Variants in NLK observed in about 807,000 individuals in gnomAD.
NLK encodes the protein serine/threonine-protein kinase NLK.
Under a neutral mutation model 59.0 loss-of-function variants are expected in NLK, and 11 were observed. That is an observed-to-expected ratio of 0.19 (90% CI 0.12 to 0.31). The LOEUF is 0.31. Ranked by LOEUF, NLK falls within the 10% of genes least tolerant of loss-of-function variation. NLK has a pLI of 1.00. For missense variants in NLK, 410 were observed against 661.1 expected (o/e 0.62, Z 4.16); for synonymous variants, 235 against 235.9 (o/e 1.00, Z 0.03).
chr17:28,201,401 T>TA, the NLK span, among the ~76,000 whole-genome samples: 2 of 147,930 alleles, frequency 1.4e-5, no homozygotes, highest in Admixed American at 6.8e-5. Flanking sequence ...TTTTTTTTTT[T>TA]AAAGAGACAG....
intron 1 of NLK, among the ~76,000 whole-genome samples, chr17:28,067,547 A>AG (rs1491237110): frequency 6.6e-6 from 1 of 151,736 alleles, no homozygotes; most frequent in Non-Finnish European, 1.5e-5. Context: ...AAAAAAAAAA[A>AG]GGCTGACAAT....
chr17:28,059,472 G>A (rs1427273996), intron 1 of NLK, among the ~76,000 whole-genome samples: 1 of 151,900 alleles, frequency 6.6e-6, no homozygotes, highest in South Asian at 2.1e-4. Flanking sequence ...CCTTTTCTTT[G>A]CAGTACTGTG....
intron 3 of NLK, among the ~76,000 whole-genome samples, chr17:28,160,595 G>A (rs1012289127): frequency 6.6e-6 from 1 of 152,198 alleles, no homozygotes; most frequent in African/African-American, 2.4e-5. Flanking sequence ...AGTGGTGATG[G>A]TGGGGAGGGG....
At chr17:28,194,294 A>C (rs1171529151) in intron 10 of NLK, among the ~76,000 whole-genome samples, 3 of 152,218 alleles carry the variant, frequency 2.0e-5, no homozygotes, top group Non-Finnish European at 4.4e-5. Context: ...AAACAGCATT[A>C]TTTCTTTCCA....
chr17:28,164,724 A>G (rs1185776608), intron 5 of NLK, among the ~76,000 whole-genome samples: 2 of 152,220 alleles, frequency 1.3e-5, no homozygotes, highest in African/African-American at 4.8e-5. Context: ...TTTAACTGCT[A>G]TATTTGAAAA....
intron 1 of NLK, among the ~76,000 whole-genome samples, chr17:28,110,999 T>G (rs4795316): frequency 6.8e-6 from 1 of 147,074 alleles, no homozygotes; most frequent in Non-Finnish European, 1.5e-5. Context: ...CGCCCGCCAC[T>G]ACGCCCGGCT....
intron 1 of NLK, among the ~76,000 whole-genome samples, chr17:28,112,501 A>T (rs963536046): frequency 7.2e-5 from 11 of 152,176 alleles, no homozygotes; most frequent in Non-Finnish European, 5.9e-5. Context: ...TTGTAAAAAC[A>T]CTTAAATTTG....
intron 3 of NLK, among the ~76,000 whole-genome samples, chr17:28,147,773 G>A (rs1202623119): frequency 9.9e-5 from 15 of 151,958 alleles, no homozygotes; most frequent in African/African-American, 1.7e-4. Context: ...CCATGATAAC[G>A]TTTTCTTCCT....
chr17:28,059,365 A>G (rs1461815558), intron 1 of NLK, among the ~76,000 whole-genome samples: 1 of 152,140 alleles, frequency 6.6e-6, no homozygotes, highest in Non-Finnish European at 1.5e-5. Context: ...ATGTCCAGAA[A>G]TAGTCCTTTA....
intron 1 of NLK, among the ~76,000 whole-genome samples, chr17:28,045,010 T>A (rs1266322007): frequency 6.6e-6 from 1 of 152,226 alleles, no homozygotes; most frequent in African/African-American, 2.4e-5. Flanking sequence ...TTATTTATTT[T>A]TTTAAGGAAG....
In NLK at chr17:28,077,932, T is replaced by G. The variant is rs77799117; in HGVS notation, c.458+34601T>G. 4.4e-3 allele frequency among the ~76,000 whole-genome samples: 672 copies of G among 152,290 alleles called. 6 individuals carry two copies. Among genetic ancestry groups the G allele is most frequent in the African/African-American group, 0.015 (640 of 41,574 alleles). ...ATATAGATGCACAGAAAGTTCTGCT[T>G]CTTTCTCAAGCATGTTATAGTTATA... On this transcript the variant is annotated intron_variant, in intron 1 of 10. Transcript: ENST00000407008.
At chr17:28,077,425 A>C (rs546295859) in intron 1 of NLK, among the ~76,000 whole-genome samples, 1 of 152,016 alleles carries the variant, frequency 6.6e-6, no homozygotes, top group Non-Finnish European at 1.5e-5. Flanking sequence ...AACTGCCCTC[A>C]TGATTCAAAT....
At chr17:28,122,502 T>G (rs1327364631) in intron 1 of NLK, 101 bp from the exon 2 acceptor site, 4 of 1,279,016 alleles carry the variant, frequency 3.1e-6, no homozygotes, top group Non-Finnish European at 4.4e-6. Context: ...GTTGAGTGTT[T>G]TAAGATAAAG....
intron 5 of NLK, among the ~76,000 whole-genome samples, chr17:28,166,466 G>T (rs1908241396): frequency 6.6e-6 from 1 of 152,054 alleles, no homozygotes; most frequent in Admixed American, 6.5e-5. Flanking sequence ...TTAGAACGGG[G>T]TTTTCAGATT....
intron 1 of NLK, among the ~76,000 whole-genome samples, chr17:28,110,947 C>T (rs1359156107): frequency 1.4e-5 from 2 of 146,100 alleles, no homozygotes; most frequent in East Asian, 2.1e-4. Context: ...CGGGTTCACG[C>T]CATTCTCCTG....
chr17:28,201,861 C>G, the NLK span, among the ~76,000 whole-genome samples: 5 of 152,030 alleles, frequency 3.3e-5, no homozygotes, highest in Admixed American at 6.6e-5. Context: ...ACTAAAAATA[C>G]AAAAGTTAGC....
intron 1 of NLK, among the ~76,000 whole-genome samples, chr17:28,110,816 A>G (rs762693387): frequency 1.3e-5 from 2 of 151,510 alleles, no homozygotes; most frequent in Non-Finnish European, 2.9e-5. Context: ...TTGTTAAACA[A>G]GTCTCCTTTA....
At chr17:28,143,071 T>G (rs750512516) in intron 3 of NLK, among the ~76,000 whole-genome samples, 42 of 151,172 alleles carry the variant, frequency 2.8e-4, no homozygotes, top group South Asian at 4.2e-4. Context: ...TGAGACAGAT[T>G]CTCACTCTGT....
intron 7 of NLK, among the ~76,000 whole-genome samples, chr17:28,177,346 A>G (rs1020481342): frequency 6.6e-6 from 1 of 152,220 alleles, no homozygotes; most frequent in Admixed American, 6.5e-5. Flanking sequence ...GTGTCAAATT[A>G]ATGTATTTGT....
Sources: gnomAD v4.1 joint callset for allele counts (sites outside exome capture counted in the v4.1 genomes callset) on GRCh38, gnomAD v4.1.1 for gene constraint, MANE v1.5 for transcripts, NCBI Gene and HGNC (gene_info 2026-07-23, HGNC 2026-07-21) for gene names.